Variants in FREM1 observed in about 807,000 individuals in gnomAD.
FREM1 encodes FRAS1 related extracellular matrix 1.
A neutral mutation model predicts 210.1 loss-of-function variants in FREM1; 220 were observed. The ratio of observed to expected loss-of-function variants is 1.05; its 90% CI spans 0.94 to 1.17. The LOEUF is 1.17. Among genes scored for constraint, FREM1 ranks in the 50% most tolerant of loss-of-function variants. The probability of loss-of-function intolerance (pLI) is 0.00; values close to 1 mark genes in which losing one functional copy is unlikely to be tolerated. For missense variants in FREM1, 3,454 were observed against 2,675.5 expected (o/e 1.29, Z -6.42); for synonymous variants, 1,189 against 980.2 (o/e 1.21, Z -3.98).
At chr9:14,866,654 A>C (rs1831579440) in intron 2 of FREM1, among the ~76,000 whole-genome samples, 1 of 152,108 alleles carries the variant, frequency 6.6e-6, no homozygotes, top group Non-Finnish European at 1.5e-5. Flanking sequence ...TCTTTTTCAC[A>C]ATATACTCAG....
At chr9:14,823,995 G>A in intron 12 of FREM1, 30 bp downstream of exon 12, 1 of 1,410,132 alleles carries the variant, frequency 7.1e-7, no homozygotes, top group Non-Finnish European at 9.8e-7. Flanking sequence ...CTTGCATCAT[G>A]TTTGTCAGCA....
intron 3 of FREM1, among the ~76,000 whole-genome samples, chr9:14,860,556 C>CACATATATATATACACATATATATATAT (rs1564098661): frequency 1.6e-4 from 10 of 63,188 alleles, no homozygotes; most frequent in Admixed American, 3.6e-4. Flanking sequence ...CATATATATA[C>CACATATATATATACACATATATATATAT]ACACATATAT....
Position 14,869,024 on chromosome 9 carries a change from A to G in FREM1, c.-47T>C. ...TCTGTCCACCGGCGAAATCCCTTTA[A>G]CAAAGGAGGGCTTCTGTGCTTCCTC... is the stretch of plus-strand genomic sequence containing the variant. On this transcript the variant is annotated 5_prime_UTR_variant, in exon 2 of 37. Coordinates refer to ENST00000380880, the MANE Select transcript of FREM1 (RefSeq NM_001379081.2). The G allele has an allele frequency of 7.5e-7, 1 of 1,338,944 alleles. No individual in the cohort carries two copies. The highest frequency in any genetic ancestry group is 1.4e-5 in the South Asian group (1 of 72,934). The allele number at this position is 1,338,944 out of a possible 1,614,324, so 82.9% of individuals were successfully genotyped here. A position where few individuals can be genotyped will look rare whatever the true frequency, so the allele number is the denominator to read the frequency against.
At chr9:14,889,887 T>C (rs1836486846) in intron 1 of FREM1, among the ~76,000 whole-genome samples, 2 of 152,272 alleles carry the variant, frequency 1.3e-5, no homozygotes, top group African/African-American at 4.8e-5. Flanking sequence ...ACATTAAGCG[T>C]GAGCATTTTT....
intron 30 of FREM1, among the ~76,000 whole-genome samples, chr9:14,749,742 C>T (rs1843015593): frequency 6.6e-6 from 1 of 152,192 alleles, no homozygotes; most frequent in African/African-American, 2.4e-5. Context: ...TTTTCCTGGT[C>T]ACACTACAGT....
At position 14,883,688 on chromosome 9, in the gene FREM1, T is replaced by A. The variant is rs1308920549; in HGVS notation, c.-267-14444A>T. Among the ~76,000 whole-genome samples the A allele has an allele frequency of 3.9e-5, 6 of 152,346 alleles. No homozygotes were observed. The East Asian group carries it at 9.6e-4, about 24-fold the overall frequency. ...TGTCTTGTCTCTGACACAAAATTAC[T>A]ATGTCCAGTGACAGCCAACTTCTAC... On this transcript the variant is annotated intron_variant, in intron 1 of 36. Transcript: ENST00000380880.
intron 18 of FREM1, among the ~76,000 whole-genome samples, chr9:14,805,890 C>G (rs1818258728): frequency 6.6e-6 from 1 of 152,154 alleles, no homozygotes. Flanking sequence ...CACGTTTTGG[C>G]TTTAAAATTA....
At chr9:14,786,239 C>T (rs1430276919) in intron 23 of FREM1, among the ~76,000 whole-genome samples, 3 of 152,146 alleles carry the variant, frequency 2.0e-5, no homozygotes, top group South Asian at 2.1e-4. Context: ...AGTGAGAATT[C>T]GTACGCAAGC....
chr9:14,783,534 G>C (rs1010490861), intron 24 of FREM1, among the ~76,000 whole-genome samples: 1 of 152,146 alleles, frequency 6.6e-6, no homozygotes, highest in Non-Finnish European at 1.5e-5. Flanking sequence ...ACAATGGTTC[G>C]TTCAAAGTCC....
chr9:14,831,724 G>C (rs903517163), intron 10 of FREM1, among the ~76,000 whole-genome samples: 1 of 152,184 alleles, frequency 6.6e-6, no homozygotes, highest in South Asian at 2.1e-4. Flanking sequence ...ATTTTTCTTG[G>C]AATCTATTTT....
At chr9:14,777,669 G>T (rs1052693391) in intron 24 of FREM1, among the ~76,000 whole-genome samples, 3 of 151,956 alleles carry the variant, frequency 2.0e-5, no homozygotes, top group African/African-American at 7.3e-5. Flanking sequence ...AACTAGAGAA[G>T]GTATGGCATT....
At chr9:14,760,632 GACAA>G (rs902526128) in intron 27 of FREM1, among the ~76,000 whole-genome samples, 2 of 151,926 alleles carry the variant, frequency 1.3e-5, no homozygotes, top group East Asian at 1.9e-4. Context: ...AAAACAAACA[GACAA>G]ACAAGCTTCA....
In FREM1 at chr9:14,848,689, C is replaced by CATTTG; in HGVS notation, c.1232_1236dup (p.Ala413GlnfsTer12). ...CCTGTATTCCAGGATACACGGGGGGCATTTGTATCTGCTGTTCTGATGGAG... is the reference window on the plus strand; with the variant it reads ...CCTGTATTCCAGGATACACGGGGGGCATTTGATTTGTATCTGCTGTTCTGATGGAG... On this transcript the variant is annotated frameshift_variant, in exon 7 of 37. Coordinates refer to ENST00000380880, the MANE Select transcript of FREM1 (RefSeq NM_001379081.2). LOFTEE classifies it high-confidence loss of function. 6.2e-7 allele frequency: 1 copy of CATTTG among 1,609,408 alleles called. No homozygotes were observed. The highest frequency in any genetic ancestry group is 8.5e-7 in the Non-Finnish European group (1 of 1,176,202).
intron 3 of FREM1, among the ~76,000 whole-genome samples, chr9:14,860,582 C>CACATATATATATACACATATATATAT (rs1564099227): frequency 2.9e-5 from 2 of 68,198 alleles, no homozygotes; most frequent in Admixed American, 1.6e-4. Context: ...CATATATATA[C>CACATATATATATACACATATATATAT]ACATATATAT....
At chr9:14,866,227 G>C (rs990286236) in intron 2 of FREM1, among the ~76,000 whole-genome samples, 1 of 152,166 alleles carries the variant, frequency 6.6e-6, no homozygotes, top group Non-Finnish European at 1.5e-5. Flanking sequence ...TAAAATCAGA[G>C]AGTGTGAGAT....
intron 1 of FREM1, among the ~76,000 whole-genome samples, chr9:14,907,005 A>G (rs960579511): frequency 6.6e-6 from 1 of 152,220 alleles, no homozygotes; most frequent in African/African-American, 2.4e-5. Context: ...TCATTTTTTA[A>G]TACACATTTT....
intron 1 of FREM1, among the ~76,000 whole-genome samples, chr9:14,893,165 C>T (rs1468330924): frequency 1.6e-5 from 2 of 125,328 alleles, no homozygotes; most frequent in Non-Finnish European, 3.2e-5. Context: ...TTTGACTTCT[C>T]TCTTTCTCTC....
chr9:14,785,053 G>A (rs1055346268), intron 23 of FREM1, among the ~76,000 whole-genome samples: 12 of 152,184 alleles, frequency 7.9e-5, no homozygotes, highest in African/African-American at 1.4e-4. Flanking sequence ...GAATGTTCAC[G>A]TATACCTTGA....
chr9:14,860,366 G>A (rs1829581210), intron 3 of FREM1, among the ~76,000 whole-genome samples: 1 of 151,732 alleles, frequency 6.6e-6, no homozygotes, highest in Non-Finnish European at 1.5e-5. Context: ...ATGTGCTGAA[G>A]ACCAAGAGGG....
Sources: allele counts gnomAD v4.1 joint callset (sites outside exome capture counted in the v4.1 genomes callset), GRCh38; gene constraint gnomAD v4.1.1; transcripts MANE v1.5; gene names NCBI Gene and HGNC (gene_info 2026-07-23, HGNC 2026-07-21).